The following SYNRG variants were observed in gnomAD, a reference collection of about 807,000 sequenced individuals.
The protein encoded by SYNRG is AP1 gamma subunit binding protein 1.
SYNRG carries 37 observed loss-of-function variants against 130.9 expected under a neutral mutation model. The ratio of observed to expected loss-of-function variants is 0.28; its 90% CI spans 0.22 to 0.37. The LOEUF is 0.37. Ranked by LOEUF, SYNRG falls within the 10% of genes least tolerant of loss-of-function variation. The probability of loss-of-function intolerance (pLI) is 1.00; values close to 1 mark genes in which losing one functional copy is unlikely to be tolerated. For synonymous variants in SYNRG, 539 were observed against 568.1 expected (o/e 0.95, Z 0.73); for missense variants, 1,338 against 1,588.9 (o/e 0.84, Z 2.68).
At chr17:37,606,898 A>G (rs1337719930) in intron 1 of SYNRG, among the ~76,000 whole-genome samples, 1 of 152,164 alleles carries the variant, frequency 6.6e-6, no homozygotes, top group Non-Finnish European at 1.5e-5. Context: ...TTTTTCTTCA[A>G]ATATACTTAG....
At chr17:37,544,773 A>G (rs1369533620) in intron 14 of SYNRG, among the ~76,000 whole-genome samples, 1 of 152,182 alleles carries the variant, frequency 6.6e-6, no homozygotes, top group Non-Finnish European at 1.5e-5. Flanking sequence ...CAGTCAGGGG[A>G]TGATGCAGTT....
At chr17:37,552,163 CTA>C (rs2058758309) in intron 14 of SYNRG, among the ~76,000 whole-genome samples, 1 of 152,136 alleles carries the variant, frequency 6.6e-6, no homozygotes, top group Admixed American at 6.6e-5. Flanking sequence ...CGTGTCCCCC[CTA>C]GTTAGACAAA....
chr17:37,586,323 T>A, intron 4 of SYNRG, 96 bp downstream of exon 4: 2 of 1,524,366 alleles, frequency 1.3e-6, no homozygotes. Flanking sequence ...CTTTTGACTG[T>A]TTTAGTTTCA....
At chr17:37,529,864 A>T (rs1428110554) in intron 19 of SYNRG, 2 of 1,551,282 alleles carry the variant, frequency 1.3e-6, no homozygotes, top group Admixed American at 2.0e-5. Context: ...AGGAGAGAAG[A>T]GATGGGTGGC....
intron 17 of SYNRG, chr17:37,538,971 A>C (rs997519044): frequency 1.9e-5 from 16 of 854,060 alleles, no homozygotes; most frequent in Non-Finnish European, 2.3e-5. Context: ...CTTAAACACA[A>C]TGACAGATGA....
At chr17:37,576,251 G>T in intron 8 of SYNRG, 90 bp downstream of exon 8, 1 of 1,274,526 alleles carries the variant, frequency 7.8e-7, no homozygotes, top group Non-Finnish European at 1.1e-6. Flanking sequence ...TGCATTTTTT[G>T]TAAGTGCAAC....
At chr17:37,585,300 G>C (rs1171176196) in intron 5 of SYNRG, 25 bp downstream of exon 5, 1 of 1,578,588 alleles carries the variant, frequency 6.3e-7, no homozygotes, top group Admixed American at 1.7e-5. Flanking sequence ...TATGTTCTGG[G>C]TGAAGAGAAG....
At chr17:37,539,015 G>A (rs1032147545) in intron 17 of SYNRG, 177 bp downstream of exon 17, 15 of 983,146 alleles carry the variant, frequency 1.5e-5, no homozygotes, top group Non-Finnish European at 1.8e-5. Context: ...GTCTGCTATT[G>A]TAAGTGTGAA....
intron 10 of SYNRG, 65 bp downstream of exon 10, chr17:37,570,572 G>A (rs907869073): frequency 3.3e-5 from 51 of 1,539,418 alleles, no homozygotes; most frequent in African/African-American, 6.9e-5. Flanking sequence ...ATGTATCCCC[G>A]GAAAAAATGG....
intron 3 of SYNRG, among the ~76,000 whole-genome samples, chr17:37,595,912 G>A (rs531103611): frequency 6.6e-6 from 1 of 152,106 alleles, no homozygotes; most frequent in East Asian, 1.9e-4. Flanking sequence ...ATGCCACCAC[G>A]CCCAGGTAAT....
chr17:37,530,630 C>T (rs2144330762), intron 19 of SYNRG, among the ~76,000 whole-genome samples: 2 of 152,338 alleles, frequency 1.3e-5, no homozygotes, highest in Middle Eastern at 6.8e-3. Flanking sequence ...TTGGATTAGT[C>T]ATCATAACAG....
intron 10 of SYNRG, among the ~76,000 whole-genome samples, chr17:37,569,231 G>A (rs1461622836): frequency 1.3e-5 from 2 of 152,214 alleles, no homozygotes; most frequent in African/African-American, 2.4e-5. Context: ...CTAACATGGC[G>A]AAACGCCATC....
chr17:37,603,228 G>A (rs534065092), intron 1 of SYNRG, among the ~76,000 whole-genome samples: 12 of 151,970 alleles, frequency 7.9e-5, no homozygotes, highest in Non-Finnish European at 1.6e-4. Context: ...GAATGGCTGG[G>A]TCTGGTGGCT....
intron 21 of SYNRG, 147 bp from the exon 22 acceptor site, chr17:37,519,218 AG>A: frequency 9.3e-7 from 1 of 1,080,374 alleles, no homozygotes; most frequent in Non-Finnish European, 1.3e-6. Flanking sequence ...GGATAGCTAC[AG>A]GAATTCAAGA....
At chr17:37,527,648 C>T (rs188364869) in intron 19 of SYNRG, among the ~76,000 whole-genome samples, 153 of 152,184 alleles carry the variant, frequency 1.0e-3, no homozygotes, top group Non-Finnish European at 1.6e-3. Flanking sequence ...TAACTATTTA[C>T]GCAGCATTTA....
At chr17:37,540,825 C>T (rs1315933091) in intron 15 of SYNRG, 7 of 838,790 alleles carry the variant, frequency 8.3e-6, no homozygotes, top group South Asian at 4.3e-5. Flanking sequence ...AGTAGATACA[C>T]GGTTTCATTG....
chr17:37,590,967 T>C (rs569954212), intron 3 of SYNRG, among the ~76,000 whole-genome samples: 1 of 152,142 alleles, frequency 6.6e-6, no homozygotes, highest in South Asian at 2.1e-4. Context: ...TAACAACTTC[T>C]GAGGAAGGAG....
At chr17:37,562,251 A>G (rs2059589211) in intron 11 of SYNRG, among the ~76,000 whole-genome samples, 1 of 152,244 alleles carries the variant, frequency 6.6e-6, no homozygotes, top group African/African-American at 2.4e-5. Context: ...TTGTAACAAA[A>G]CAACAATCAC....
Position 37,576,469 on chromosome 17 carries a change from G to A in SYNRG, c.824-51C>T, listed in dbSNP as rs1051111558. 2.4e-5 allele frequency: 36 copies of A among 1,524,280 alleles called. No homozygotes were observed. The Admixed American group carries it at 2.5e-4, about 11-fold the overall frequency. The allele number at this position is 1,524,280 out of a possible 1,614,324, so 94.4% of individuals were successfully genotyped here. On this transcript the variant is annotated intron_variant, in intron 7 of 21. Transcript: ENST00000612223. ...TATAGTGGTCCATGGAGAAGATGGC[G>A]AAATCACACTGAGTCATGGTTTTTT...
Sources: allele counts gnomAD v4.1 joint callset (sites outside exome capture counted in the v4.1 genomes callset), GRCh38; gene constraint gnomAD v4.1.1; transcripts MANE v1.5; gene names NCBI Gene and HGNC (gene_info 2026-07-23, HGNC 2026-07-21).